Variants in PTPRA observed in about 807,000 individuals in gnomAD.
PTPRA encodes the protein protein tyrosine phosphatase receptor type A.
PTPRA carries 25 observed loss-of-function variants against 104.8 expected under a neutral mutation model. The ratio of observed to expected loss-of-function variants is 0.24; its 90% CI spans 0.17 to 0.33. PTPRA has a LOEUF of 0.33. Among genes scored for constraint, PTPRA ranks in the 10% least tolerant of loss-of-function variants. The pLI is 1.00. For synonymous variants in PTPRA, 323 were observed against 368.9 expected (o/e 0.88, Z 1.43); for missense variants, 765 against 1,015.3 (o/e 0.75, Z 3.35).
chr20:3,027,039 C>G, intron 18 of PTPRA, 82 bp from the exon 19 acceptor site: 5 of 1,394,154 alleles, frequency 3.6e-6, no homozygotes, highest in Non-Finnish European at 4.0e-6. Flanking sequence ...TCTGTCTGCC[C>G]AGGGCCTGAG....
At position 2,900,031 on chromosome 20, in the gene PTPRA, A is replaced by T. The variant is rs142127552; in HGVS notation, c.-128-23176A>T. Among the ~76,000 whole-genome samples, 111 of 152,100 alleles carry T rather than the reference A, an allele frequency of 7.3e-4. 1 individual carries two copies. In the East Asian group the frequency reaches 0.019, roughly 26 times the overall value. On this transcript the variant is annotated intron_variant, in intron 1 of 23. Coordinates refer to ENST00000399903, the MANE Select transcript of PTPRA (RefSeq NM_001385305.1). ...AGGCTGAGGCAGGAGAATCGTTTGA[A>T]CCCAGGAGGTGGGGGCTGCAGTGAG...
intron 4 of PTPRA, 101 bp downstream of exon 4, chr20:2,964,451 A>G: frequency 1.9e-6 from 2 of 1,049,500 alleles, no homozygotes; most frequent in Non-Finnish European, 2.8e-6. Context: ...AGAAAGGAAT[A>G]TAAAAATTTT....
chr20:3,026,284 G>C (rs1568705973), intron 17 of PTPRA, among the ~76,000 whole-genome samples: 1 of 152,174 alleles, frequency 6.6e-6, no homozygotes, highest in South Asian at 2.1e-4. Flanking sequence ...GCTGGTGTAT[G>C]GGCTACACTT....
intron 1 of PTPRA, among the ~76,000 whole-genome samples, chr20:2,907,803 A>G (rs867322523): frequency 1.3e-5 from 2 of 151,868 alleles, no homozygotes; most frequent in African/African-American, 2.4e-5. Flanking sequence ...CTTAACCTCA[A>G]TTGCCTTGGT....
intron 9 of PTPRA, among the ~76,000 whole-genome samples, chr20:2,994,351 A>G (rs554350734): frequency 6.6e-6 from 1 of 152,260 alleles, no homozygotes; most frequent in South Asian, 2.1e-4. Flanking sequence ...TAGGCTGCCT[A>G]AACTGACCTG....
At chr20:2,902,462 A>G (rs1355218275) in intron 1 of PTPRA, among the ~76,000 whole-genome samples, 1 of 152,136 alleles carries the variant, frequency 6.6e-6, no homozygotes, top group Non-Finnish European at 1.5e-5. Context: ...TGATGCAGTC[A>G]TGGAAACTAG....
intron 11 of PTPRA, among the ~76,000 whole-genome samples, chr20:3,011,958 C>G (rs1307178215): frequency 6.6e-6 from 1 of 152,200 alleles, no homozygotes; most frequent in Non-Finnish European, 1.5e-5. Context: ...AGATTTCTAG[C>G]ACAGTCGTTA....
chr20:2,866,493 A>G, the PTPRA span: 14 of 1,614,154 alleles, frequency 8.7e-6, no homozygotes, highest in Non-Finnish European at 1.2e-5. Context: ...TGAGCCTCGT[A>G]TTGTCCCACT....
chr20:2,865,526 C>G, the PTPRA span: 1 of 1,598,458 alleles, frequency 6.3e-7, no homozygotes, highest in Admixed American at 1.7e-5. The surrounding 1 kb of genome is among the most constrained non-coding windows in gnomAD (Gnocchi z 5.2). Context: ...CAGCCCACTT[C>G]CAGTGAGGGT....
chr20:3,034,805 A>C (rs567112925), intron 20 of PTPRA, among the ~76,000 whole-genome samples: 16 of 152,210 alleles, frequency 1.1e-4, no homozygotes, highest in Non-Finnish European at 1.8e-4. Flanking sequence ...CCAGTAGTGA[A>C]GAATCTCAGA....
chr20:2,917,898 G>A (rs1183182571), intron 1 of PTPRA, among the ~76,000 whole-genome samples: 1 of 151,710 alleles, frequency 6.6e-6, no homozygotes, highest in Non-Finnish European at 1.5e-5. Flanking sequence ...AGACAAGCCT[G>A]GCCAAGATTG....
At chr20:2,885,567 A>T (rs1250600696) in intron 1 of PTPRA, among the ~76,000 whole-genome samples, 1 of 152,236 alleles carries the variant, frequency 6.6e-6, no homozygotes, top group Admixed American at 6.5e-5. Context: ...TCTATGTGAT[A>T]CTAGGAAGAA....
At position 2,926,916 on chromosome 20, in the gene PTPRA, A is replaced by T. The variant is rs920987959; in HGVS notation, c.-50+3631A>T. On this transcript the variant is annotated intron_variant, in intron 2 of 23. Coordinates refer to ENST00000399903, the MANE Select transcript of PTPRA (RefSeq NM_001385305.1). ...AGTGATTTTCCTGCCTCAGCCTCCC[A>T]AGTAGCTGGGATTACAGGCACCCGC... Among the ~76,000 whole-genome samples, 100 of 151,520 alleles carry T rather than the reference A, an allele frequency of 6.6e-4. 1 individual carries two copies. Among genetic ancestry groups the T allele is most frequent in the African/African-American group, 2.2e-3 (93 of 41,346 alleles).
chr20:2,955,818 T>G (rs781067218), intron 3 of PTPRA: 45 of 375,726 alleles, frequency 1.2e-4, no homozygotes, highest in Non-Finnish European at 1.4e-4. Context: ...TCTTCTTCCC[T>G]TTTTTTGGCT....
At chr20:2,994,880 A>G (rs2063336787) in intron 9 of PTPRA, among the ~76,000 whole-genome samples, 1 of 152,216 alleles carries the variant, frequency 6.6e-6, no homozygotes, top group South Asian at 2.1e-4. Context: ...CTGTAATCCC[A>G]GAACTTTGGG....
chr20:2,956,476 G>T (rs1285455202), intron 3 of PTPRA, among the ~76,000 whole-genome samples: 1 of 151,048 alleles, frequency 6.6e-6, no homozygotes, highest in African/African-American at 2.4e-5. Flanking sequence ...CCCCTGTGAT[G>T]TCCTTACCTA....
At chr20:2,932,611 G>T (rs2060548787) in intron 2 of PTPRA, among the ~76,000 whole-genome samples, 1 of 152,216 alleles carries the variant, frequency 6.6e-6, no homozygotes, top group Non-Finnish European at 1.5e-5. Context: ...AGGCTCTATA[G>T]AGGAGAGAGA....
At chr20:3,006,670 C>T (rs2063888704) in intron 10 of PTPRA, among the ~76,000 whole-genome samples, 1 of 152,210 alleles carries the variant, frequency 6.6e-6, no homozygotes, top group African/African-American at 2.4e-5. Flanking sequence ...CTCTGTCACC[C>T]AGGCTGGAGT....
At chr20:2,975,064 G>A in intron 5 of PTPRA, 151 bp from the exon 6 acceptor site, 1 of 612,124 alleles carries the variant, frequency 1.6e-6, no homozygotes, top group Non-Finnish European at 2.8e-6. Flanking sequence ...AAAGTTTAGT[G>A]AATCTGGGCA....
Sources: allele counts gnomAD v4.1 joint callset (sites outside exome capture counted in the v4.1 genomes callset), GRCh38; gene constraint gnomAD v4.1.1; non-coding constraint Gnocchi (gnomAD v3.1); transcripts MANE v1.5; gene names NCBI Gene and HGNC (gene_info 2026-07-23, HGNC 2026-07-21).